Variants in IDO2 observed in about 807,000 individuals in gnomAD.
The protein encoded by IDO2 is indoleamine 2,3-dioxygenase 2.
IDO2 carries 46 observed loss-of-function variants against 45.1 expected under a neutral mutation model. The ratio of observed to expected loss-of-function variants is 1.02; its 90% confidence interval spans 0.80 to 1.30. The LOEUF is 1.30. Ranked by LOEUF, IDO2 falls within the 50% of genes most tolerant of loss-of-function variation. The pLI is 0.00. For missense variants in IDO2, 544 were observed against 491.8 expected, an observed-to-expected ratio of 1.11 and a Z score of -1.00; for synonymous variants, 218 against 184.9, an observed-to-expected ratio of 1.18 and a Z score of -1.45.
chr8:39,978,345 G>C (rs563676437), intron 3 of IDO2, among the ~76,000 whole-genome samples: 1 of 152,222 alleles, frequency 6.6e-6, no homozygotes, highest in Admixed American at 6.5e-5. Context: ...GCTGGGGCGA[G>C]GGGAAGAGGC....
intron 9 of IDO2, 149 bp from the exon 10 acceptor site, chr8:40,013,416 C>G (rs1441393344): frequency 4.2e-6 from 3 of 712,238 alleles, no homozygotes; most frequent in Non-Finnish European, 7.0e-6. Flanking sequence ...TGCTTCAGTA[C>G]TTACCCTACA....
At chr8:39,990,985 G>C (rs1007710792) in intron 8 of IDO2, among the ~76,000 whole-genome samples, 1 of 152,158 alleles carries the variant, frequency 6.6e-6, no homozygotes, top group African/African-American at 2.4e-5. Context: ...CAGAGTCTAA[G>C]TATCATTTTC....
intron 9 of IDO2, among the ~76,000 whole-genome samples, chr8:40,011,040 AGCTGGGACTACAGGTGT>A (rs1802302453): frequency 6.6e-6 from 1 of 152,142 alleles, no homozygotes; most frequent in Non-Finnish European, 1.5e-5. Context: ...CCTCCCGAGT[AGCTGGGACTACAGGTGT>A]GCACCACCAT....
intron 8 of IDO2, chr8:39,995,182 TCTTCTTCTTCTTCTTCTTCTCCTTCTC>T (rs1210999154): frequency 1.4e-5 from 1 of 69,734 alleles, no homozygotes; most frequent in African/African-American, 7.3e-5. Context: ...TCTTCTTCCT[TCTTCTTCTTCTTCTTCTTCTCCTTCTC>T]CTTCTCCTTC....
At chr8:39,970,977 A>G (rs547356583) in intron 3 of IDO2, among the ~76,000 whole-genome samples, 51 of 151,142 alleles carry the variant, frequency 3.4e-4, no homozygotes, top group South Asian at 1.5e-3. Flanking sequence ...ATGTTGGCCA[A>G]GATGGTCTCT....
At chr8:40,001,245 ATTTTTTTT>A (rs1187145007) in intron 8 of IDO2, among the ~76,000 whole-genome samples, 52 of 94,426 alleles carry the variant, frequency 5.5e-4, no homozygotes, top group Admixed American at 8.8e-4. Context: ...GGCTTTCCTC[ATTTTTTTT>A]TTTTTTTTTT....
At chr8:39,985,000 C>T (rs190156345) in intron 5 of IDO2, 12 of 386,148 alleles carry the variant, frequency 3.1e-5, no homozygotes, top group East Asian at 1.7e-4. Context: ...GGCATGATCT[C>T]GGCTCACTGC....
At position 39,985,625 on chromosome 8, in the gene IDO2, A is replaced by G; in HGVS notation, c.449+103A>G. 5.5e-6 allele frequency: 5 copies of G among 903,126 alleles called. No homozygotes were observed. In the East Asian group the frequency reaches 8.0e-5, roughly 15 times the overall value. The allele number at this position is 903,126 out of a possible 1,614,324, so 55.9% of individuals were successfully genotyped here. A position where few individuals can be genotyped will look rare whatever the true frequency, so the allele number is the denominator to read the frequency against. On this transcript the variant is annotated intron_variant, in intron 6 of 10. Coordinates refer to ENST00000502986, the Ensembl canonical transcript of IDO2. Reference sequence around the variant, plus strand: ...CATGCTAAATTATATGTATAATATAATATCAACCATATAAAATGCATAAAA... The same window carrying G: ...CATGCTAAATTATATGTATAATATAGTATCAACCATATAAAATGCATAAAA...
intron 3 of IDO2, among the ~76,000 whole-genome samples, chr8:39,975,823 T>C (rs1292298048): frequency 6.6e-6 from 1 of 152,100 alleles, no homozygotes; most frequent in Non-Finnish European, 1.5e-5. Flanking sequence ...TCGTTTATCA[T>C]AGCAAAAAAA....
chr8:39,973,623 G>C (rs1185079706), intron 3 of IDO2, among the ~76,000 whole-genome samples: 2 of 152,096 alleles, frequency 1.3e-5, no homozygotes, highest in Admixed American at 6.5e-5. Context: ...ATATATACTT[G>C]TGACCAAGTT....
intron 4 of IDO2, 87 bp from the exon 5 acceptor site, chr8:39,982,565 G>T: frequency 1.2e-6 from 1 of 868,230 alleles, no homozygotes; most frequent in African/African-American, 1.7e-5. Context: ...TGTACCACAG[G>T]ATTGCCGAAA....
intron 4 of IDO2, 112 bp from the exon 5 acceptor site, chr8:39,982,540 T>C (rs1310241238): frequency 7.4e-6 from 5 of 678,734 alleles, no homozygotes; most frequent in African/African-American, 1.8e-5. Flanking sequence ...TCAAGCTTGG[T>C]TCCCAGATCA....
intron 9 of IDO2, among the ~76,000 whole-genome samples, chr8:40,008,455 G>T (rs899473282): frequency 5.3e-5 from 8 of 152,140 alleles, no homozygotes. Flanking sequence ...ATTAGATTCA[G>T]CTTACCTAGG....
At chr8:40,000,533 T>G (rs996255187) in intron 8 of IDO2, among the ~76,000 whole-genome samples, 9 of 152,248 alleles carry the variant, frequency 5.9e-5, no homozygotes, top group Non-Finnish European at 8.8e-5. Context: ...TTTCCCTATT[T>G]CACTAAGGGT....
Position 39,951,610 on chromosome 8 carries a change from A to T in IDO2, c.99+2346A>T, listed in dbSNP as rs142243708. Among the ~76,000 whole-genome samples, 27 of 152,306 alleles carry T rather than the reference A, an allele frequency of 1.8e-4. No individual in the cohort carries two copies. In the East Asian group the frequency reaches 5.0e-3, roughly 28 times the overall value. On this transcript the variant is annotated intron_variant, in intron 2 of 10. Coordinates refer to ENST00000502986, the Ensembl canonical transcript of IDO2. ...TGCCACCTCCACTAGATTGCTATGG[A>T]GAATGAATGTGAAAGCATTTTCATA...
chr8:39,940,715 C>A (rs117615420), intron 1 of IDO2, among the ~76,000 whole-genome samples: 2,053 of 152,086 alleles, frequency 0.013, 28 homozygotes, highest in Middle Eastern at 0.031. Context: ...ACCCACTAAC[C>A]AACCTCTCCC....
At chr8:39,977,063 C>T (rs1201880715) in intron 3 of IDO2, among the ~76,000 whole-genome samples, 2 of 151,770 alleles carry the variant, frequency 1.3e-5, no homozygotes, top group Non-Finnish European at 2.9e-5. Flanking sequence ...TTATATAACA[C>T]TCAAAATAAA....
intron 9 of IDO2, among the ~76,000 whole-genome samples, chr8:40,006,024 G>T (rs975770593): frequency 2.6e-5 from 4 of 152,124 alleles, no homozygotes; most frequent in African/African-American, 9.7e-5. Context: ...GGACACGGGA[G>T]TTGAGGCATT....
intron 1 of IDO2, among the ~76,000 whole-genome samples, chr8:39,946,545 T>C (rs1448247142): frequency 6.6e-6 from 1 of 152,110 alleles, no homozygotes; most frequent in Non-Finnish European, 1.5e-5. Context: ...AGGCAGAGGT[T>C]ACAGTGAGCC....
Sources: allele counts gnomAD v4.1 joint callset (sites outside exome capture counted in the v4.1 genomes callset), GRCh38; gene constraint gnomAD v4.1.1; transcripts MANE v1.5; gene names NCBI Gene and HGNC (gene_info 2026-07-23, HGNC 2026-07-21).